MTMR9: variants seen among roughly 807,000 people sequenced by gnomAD.
MTMR9 encodes myotubularin related protein 9.
In MTMR9, 39 loss-of-function variants were observed where a neutral mutation model predicts 69.5. The observed-to-expected ratio is 0.56, with a 90% CI of 0.43 to 0.73. The LOEUF (loss-of-function observed/expected upper bound fraction) is 0.73, where lower values mean the gene tolerates loss of function less well. Among genes scored for constraint, MTMR9 ranks in the 30% least tolerant of loss-of-function variants. MTMR9 has a pLI of 0.00. For synonymous variants in MTMR9, 354 were observed against 240.8 expected (o/e 1.47, Z -4.35); for missense variants, 900 against 671.2 (o/e 1.34, Z -3.77).
rs1204594161 is a variant in MTMR9, at chr8:11,325,119, T to G, written c.*2331T>G. 1 of 152,220 alleles carries G rather than the reference T, an allele frequency of 6.6e-6. No homozygotes were observed. Among genetic ancestry groups the G allele is most frequent in the Non-Finnish European group, 1.5e-5 (1 of 68,048 alleles). The allele number at this position is 152,220 out of a possible 1,614,324, so 9.4% of individuals were successfully genotyped here. A position where few individuals can be genotyped will look rare whatever the true frequency, so the allele number is the denominator to read the frequency against. On this transcript the variant is annotated 3_prime_UTR_variant, in exon 10 of 10. Transcript: ENST00000221086. ...GGCAAGTTTGCATTTTAGTATTAAT[T>G]TATAATTAGGGATTGTTCAAACTTC...
At chr8:11,297,358 A>G (rs945761557) in intron 2 of MTMR9, among the ~76,000 whole-genome samples, 4 of 152,376 alleles carry the variant, frequency 2.6e-5, no homozygotes, top group South Asian at 2.1e-4. Context: ...TGTCTTACAC[A>G]TCTGTCATTT....
chr8:11,322,580 G>T, intron 9 of MTMR9, 45 bp from the exon 10 acceptor site: 1 of 1,539,856 alleles, frequency 6.5e-7, no homozygotes, highest in Non-Finnish European at 9.0e-7. Flanking sequence ...TTAATCCATT[G>T]TATATACCTT....
At position 11,316,781 on chromosome 8, in the gene MTMR9, C is replaced by G. The variant is rs770676864; in HGVS notation, c.1222C>G (p.Leu408Val). The G allele has an allele frequency of 1.2e-6, 2 of 1,613,930 alleles. No individual in the cohort carries two copies. Among genetic ancestry groups the G allele is most frequent in the Non-Finnish European group, 1.7e-6 (2 of 1,179,958 alleles). The change falls in exon 8 of 10, where the codon CTT becomes GTT. Residue 408 changes from leucine to valine, a missense_variant. Leu to Val is a conservative substitution (Grantham distance 32, BLOSUM62 1). Coordinates refer to ENST00000221086, the MANE Select transcript of MTMR9 (RefSeq NM_015458.4). ...CTTCTTGGACTGCGTGTGGCAGATC[C>G]TTCGTCAGTTTCCCTGTTCTTTTGA... ...LLFLDCVWQI[L>V]RQFPCSFEFN...
intron 1 of MTMR9, among the ~76,000 whole-genome samples, chr8:11,294,048 A>G (rs754195740): frequency 7.3e-5 from 11 of 151,084 alleles, no homozygotes; most frequent in African/African-American, 1.9e-4. Context: ...TATGAATTTT[A>G]GAATCACCTT....
At chr8:11,335,046 C>G in the MTMR9 span, among the ~76,000 whole-genome samples, 4 of 152,288 alleles carry the variant, frequency 2.6e-5, no homozygotes, top group Non-Finnish European at 4.4e-5. Flanking sequence ...TCTCACGACT[C>G]CTTTCAACAT....
intron 2 of MTMR9, 86 bp from the exon 3 acceptor site, chr8:11,299,937 T>C (rs1022015117): frequency 4.1e-6 from 6 of 1,466,770 alleles, no homozygotes; most frequent in African/African-American, 2.8e-5. Flanking sequence ...TATTAGACCA[T>C]GTTTGCTTAA....
chr8:11,320,311 A>G (rs182206965), intron 9 of MTMR9: 2 of 152,880 alleles, frequency 1.3e-5, no homozygotes, highest in Non-Finnish European at 1.5e-5. Flanking sequence ...CAGATATTTC[A>G]TTGTTCTTAT....
rs1335082519 is a variant in MTMR9, at chr8:11,323,295, A to G, written c.*507A>G. On this transcript the variant is annotated 3_prime_UTR_variant, in exon 10 of 10. Coordinates refer to ENST00000221086, the MANE Select transcript of MTMR9 (RefSeq NM_015458.4). ...CATTTCCAGTGTCTTCGCCACATAA[A>G]ATAGCCATTTTCTTTAAAATAGTTT... The G allele has an allele frequency of 1.3e-5, 2 of 152,194 alleles. No individual in the cohort carries two copies. The highest frequency in any genetic ancestry group is 4.8e-5 in the African/African-American group (2 of 41,446). The allele number at this position is 152,194 out of a possible 1,614,324, so 9.4% of individuals were successfully genotyped here.
At chr8:11,331,410 G>A (rs1390752640), downstream of MTMR9, 6 of 1,613,928 alleles carry the variant, frequency 3.7e-6, no homozygotes, top group Non-Finnish European at 5.1e-6. Flanking sequence ...TGACATCCGA[G>A]GCTGGGCCTG....
chr8:11,285,035 G>T lies in MTMR9; in HGVS notation c.147G>T (p.Trp49Cys), dbSNP rs1799093875. Residue 49 changes from tryptophan to cysteine, a missense_variant, in exon 1 of 10, where the codon TGG becomes TGT. Physicochemically the swap from Trp to Cys is radical, Grantham distance 215. Coordinates refer to ENST00000221086, the MANE Select transcript of MTMR9 (RefSeq NM_015458.4). ...SSRQDNTEEL[W>C]LLHSNIDAID... Reference sequence around the variant, plus strand: ...GGCAGGACAATACGGAGGAGCTGTGGCTCCTCCATTCAAACATCGACGCCA... The same window carrying T: ...GGCAGGACAATACGGAGGAGCTGTGTCTCCTCCATTCAAACATCGACGCCA... 1.9e-6 allele frequency: 3 copies of T among 1,611,616 alleles called. No individual in the cohort carries two copies. The South Asian group carries it at 3.3e-5, about 18-fold the overall frequency.
intron 3 of MTMR9, chr8:11,300,626 A>G (rs1407447939): frequency 2.6e-5 from 4 of 152,362 alleles, no homozygotes; most frequent in African/African-American, 7.2e-5. Context: ...AATAATAAAA[A>G]TAAGAGCAGA....
intron 5 of MTMR9, among the ~76,000 whole-genome samples, chr8:11,309,241 C>T (rs920782901): frequency 4.6e-5 from 7 of 152,132 alleles, no homozygotes; most frequent in African/African-American, 1.2e-4. Flanking sequence ...TGTCATGAAA[C>T]GCAGGGCTCT....
In MTMR9 at chr8:11,295,177, T is replaced by C. The variant is rs759745312; in HGVS notation, c.183-17T>C. The C allele has an allele frequency of 7.2e-7, 1 of 1,384,482 alleles. No homozygotes were observed. The highest frequency in any genetic ancestry group is 2.3e-5 in the East Asian group (1 of 43,420). 85.8% of individuals were successfully genotyped at this position (1,384,482 alleles called of 1,614,324 possible). ...GTAATATATGTGTTCCTAAACATGA[T>C]TTGCAATTTCTTACAGATTTGTAGG... On this transcript the variant is annotated splice_polypyrimidine_tract_variant and intron_variant, in intron 1 of 9. Transcript: ENST00000221086.
At chr8:11,293,840 C>T (rs1026504403) in intron 1 of MTMR9, among the ~76,000 whole-genome samples, 3 of 149,980 alleles carry the variant, frequency 2.0e-5, no homozygotes, top group East Asian at 1.9e-4. Context: ...GAATTGTCTT[C>T]GTATCTCTGT....
the MTMR9 span, among the ~76,000 whole-genome samples, chr8:11,337,289 T>C: frequency 4.0e-4 from 61 of 152,328 alleles, no homozygotes; most frequent in South Asian, 6.2e-4. Context: ...TGACATATGT[T>C]GCCTCCAAAA....
At chr8:11,330,298 G>A (rs1233528594), downstream of MTMR9, among the ~76,000 whole-genome samples, 2 of 150,372 alleles carry the variant, frequency 1.3e-5, no homozygotes, top group African/African-American at 2.4e-5. Context: ...GAGGTGGGGG[G>A]TCAGCCCCCA....
At chr8:11,302,945 A>T (rs574434347) in intron 3 of MTMR9, among the ~76,000 whole-genome samples, 28 of 152,208 alleles carry the variant, frequency 1.8e-4, no homozygotes, top group African/African-American at 6.0e-4. Context: ...AATTATAAAA[A>T]TTTATGGAAA....
chr8:11,317,749 G>C (rs151095937), intron 8 of MTMR9: 4 of 152,240 alleles, frequency 2.6e-5, no homozygotes, highest in Non-Finnish European at 5.9e-5. Flanking sequence ...ACCATCAAGT[G>C]TATAGGTTCA....
intron 9 of MTMR9, chr8:11,321,672 C>T (rs889876670): frequency 9.8e-5 from 30 of 307,504 alleles, no homozygotes; most frequent in Admixed American, 2.0e-4. Context: ...GACTGCTCTT[C>T]GGCCTTAAAA....
Sources: allele counts gnomAD v4.1 joint callset (sites outside exome capture counted in the v4.1 genomes callset), GRCh38; gene constraint gnomAD v4.1.1; transcripts MANE v1.5; gene names NCBI Gene and HGNC (gene_info 2026-07-23, HGNC 2026-07-21).